TTC23L: variants seen among roughly 807,000 people sequenced by gnomAD.
TTC23L encodes the protein tetratricopeptide repeat protein 23-like.
In TTC23L, 42 loss-of-function variants were observed where a neutral mutation model predicts 48.1. That is an observed-to-expected ratio of 0.87 (90% CI 0.68 to 1.13). TTC23L has a LOEUF of 1.13. Ranked by LOEUF, TTC23L falls within the 50% of genes most tolerant of loss-of-function variation. The probability of loss-of-function intolerance (pLI) is 0.00; values close to 1 mark genes in which losing one functional copy is unlikely to be tolerated. For missense variants in TTC23L, 391 were observed against 421.0 expected (o/e 0.93, Z 0.62); for synonymous variants, 159 against 157.2 (o/e 1.01, Z -0.09).
At chr5:34,904,721 T>G in the TTC23L span, among the ~76,000 whole-genome samples, 1 of 151,984 alleles carries the variant, frequency 6.6e-6, no homozygotes, top group African/African-American at 2.4e-5. Flanking sequence ...ATTCCAGAAA[T>G]AGTACTGTCC....
chr5:34,893,683 C>T (rs1763018614), intron 9 of TTC23L, among the ~76,000 whole-genome samples: 1 of 152,044 alleles, frequency 6.6e-6, no homozygotes, highest in Non-Finnish European at 1.5e-5. Context: ...ACATAGTAAG[C>T]TTCTGTGAAA....
At chr5:34,859,840 C>CTTTTTTTTTT (rs10590697) in intron 4 of TTC23L, among the ~76,000 whole-genome samples, 53 of 95,322 alleles carry the variant, frequency 5.6e-4, no homozygotes, top group East Asian at 1.9e-3. Flanking sequence ...TTTTCTTCTT[C>CTTTTTTTTTT]TTTTTTTTTT....
At chr5:34,918,347 A>ATTTTCT in the TTC23L span, 1 of 1,265,328 alleles carries the variant, frequency 7.9e-7, no homozygotes, top group South Asian at 1.2e-5. Context: ...ATCTTTTAAC[A>ATTTTCT]TTTTCTTTTT....
At chr5:34,877,752 T>C (rs886622932) in intron 8 of TTC23L, among the ~76,000 whole-genome samples, 3 of 152,120 alleles carry the variant, frequency 2.0e-5, no homozygotes, top group African/African-American at 4.8e-5. Flanking sequence ...GGTGAAAAAC[T>C]AGAAGCTTTT....
chr5:34,915,853 G>A, the TTC23L span: 5 of 1,565,962 alleles, frequency 3.2e-6, no homozygotes, highest in Admixed American at 1.9e-5. Flanking sequence ...AGCAGAGGAG[G>A]TGGAGGAAGA....
chr5:34,854,579 G>T (rs1399331373), intron 4 of TTC23L, among the ~76,000 whole-genome samples: 10 of 152,186 alleles, frequency 6.6e-5, no homozygotes, highest in African/African-American at 2.4e-4. Flanking sequence ...AAAGTGGACA[G>T]AATATATAAG....
chr5:34,897,424 A>T (rs192133177), intron 10 of TTC23L, among the ~76,000 whole-genome samples: 2 of 152,114 alleles, frequency 1.3e-5, no homozygotes, highest in Admixed American at 1.3e-4. Flanking sequence ...AAAAAAATAC[A>T]TATATATACA....
the TTC23L span, chr5:34,915,011 G>C: frequency 3.7e-6 from 4 of 1,088,984 alleles, no homozygotes; most frequent in Non-Finnish European, 5.3e-6. Flanking sequence ...GAGGTCCGGC[G>C]AGCTCCACCT....
intron 4 of TTC23L, among the ~76,000 whole-genome samples, chr5:34,856,948 T>C (rs1168909597): frequency 1.3e-5 from 2 of 152,164 alleles, no homozygotes; most frequent in Non-Finnish European, 2.9e-5. Context: ...GTGAAGATGA[T>C]TTTACAAGAG....
intron 3 of TTC23L, among the ~76,000 whole-genome samples, chr5:34,849,802 T>C (rs571028258): frequency 2.5e-4 from 38 of 152,290 alleles, no homozygotes; most frequent in South Asian, 4.1e-4. Context: ...ACGCTACATA[T>C]TCATTTTTCA....
At chr5:34,912,745 A>T in the TTC23L span, among the ~76,000 whole-genome samples, 1 of 152,196 alleles carries the variant, frequency 6.6e-6, no homozygotes, top group African/African-American at 2.4e-5. Context: ...TATGCCTGTA[A>T]TCCCAGAACT....
In TTC23L at chr5:34,863,526, G is replaced by A. The variant is rs1195371133; in HGVS notation, c.536+472G>A. ...AAAGATTTTGACTGAGAGGCTCTGA[G>A]GTACATCTGTTCATTGAAATTTTTA... On this transcript the variant is annotated intron_variant, in intron 5 of 10. Transcript: ENST00000505624. This position sits in a 1 kb window ranked among gnomAD's most constrained non-coding sequence, Gnocchi z 4.1. 6.6e-6 allele frequency among the ~76,000 whole-genome samples: 1 copy of A among 152,144 alleles called. No individual in the cohort carries two copies. The highest frequency in any genetic ancestry group is 1.5e-5 in the Non-Finnish European group (1 of 68,024).
intron 9 of TTC23L, among the ~76,000 whole-genome samples, chr5:34,881,402 C>T (rs1762214339): frequency 1.3e-5 from 2 of 152,174 alleles, no homozygotes; most frequent in Admixed American, 1.3e-4. Flanking sequence ...TTGACTTGAA[C>T]TTTATATATT....
At chr5:34,895,356 G>A (rs991331301) in intron 9 of TTC23L, among the ~76,000 whole-genome samples, 1 of 152,162 alleles carries the variant, frequency 6.6e-6, no homozygotes, top group African/African-American at 2.4e-5. Context: ...TTTACATAAA[G>A]CACTTAGCAC....
chr5:34,890,151 T>G (rs17243742), intron 9 of TTC23L, among the ~76,000 whole-genome samples: 7,289 of 151,618 alleles, frequency 0.048, 244 homozygotes, highest in South Asian at 0.1. Context: ...GCTCAGAAAG[T>G]TTGGGTATCT....
At chr5:34,848,183 C>G (rs537618649) in intron 3 of TTC23L, among the ~76,000 whole-genome samples, 1 of 152,240 alleles carries the variant, frequency 6.6e-6, no homozygotes, top group South Asian at 2.1e-4. Flanking sequence ...CCTTGAAGTG[C>G]TATTTTCACT....
At chr5:34,916,659 G>C in the TTC23L span, 3 of 152,202 alleles carry the variant, frequency 2.0e-5, no homozygotes, top group East Asian at 5.8e-4. Context: ...AGAATACTGT[G>C]AACAAGGATT....
At chr5:34,841,216 T>C (rs896933901) in intron 2 of TTC23L, among the ~76,000 whole-genome samples, 5 of 152,102 alleles carry the variant, frequency 3.3e-5, no homozygotes, top group Admixed American at 6.5e-5. Context: ...TATAACAAGA[T>C]TGGCAAAATT....
chr5:34,907,513 T>C, the TTC23L span: 2 of 152,226 alleles, frequency 1.3e-5, no homozygotes, highest in African/African-American at 2.4e-5. Flanking sequence ...GACAGGAAGA[T>C]AATTTTTGCA....
Sources: gnomAD v4.1 joint callset for allele counts (sites outside exome capture counted in the v4.1 genomes callset) on GRCh38, gnomAD v4.1.1 for gene constraint, Gnocchi (gnomAD v3.1) non-coding constraint, MANE v1.5 for transcripts, NCBI Gene and HGNC (gene_info 2026-07-23, HGNC 2026-07-21) for gene names.